ANKRD62: variants seen among roughly 807,000 people sequenced by gnomAD.
The protein encoded by ANKRD62 is ankyrin repeat domain 62, also known as ankyrin repeat domain-containing protein 62.
ANKRD62 carries 61 observed loss-of-function variants against 98.8 expected under a neutral mutation model. That is an observed-to-expected ratio of 0.62 (90% CI 0.50 to 0.76). The LOEUF is 0.76. Ranked by LOEUF, ANKRD62 falls within the 30% of genes least tolerant of loss-of-function variation. ANKRD62 has a pLI of 0.00. For synonymous variants in ANKRD62, 341 were observed against 367.9 expected (o/e 0.93, Z 0.84); for missense variants, 933 against 1,082.9 (o/e 0.86, Z 1.94).
the ANKRD62 span, among the ~76,000 whole-genome samples, chr18:12,153,308 G>A: frequency 6.6e-6 from 1 of 151,888 alleles, no homozygotes; most frequent in Admixed American, 6.6e-5. Flanking sequence ...TAGAAAAAAC[G>A]GGCCAGGCAC....
chr18:12,174,130 A>G, the ANKRD62 span, among the ~76,000 whole-genome samples: 2 of 152,172 alleles, frequency 1.3e-5, no homozygotes, highest in African/African-American at 4.8e-5. Context: ...AGGGACACGA[A>G]TGAGGCATAG....
rs181278087 is a variant in ANKRD62, at chr18:12,114,583, T to C, written c.1065-505T>C. Among the ~76,000 whole-genome samples the C allele has an allele frequency of 5.1e-3, 776 of 152,284 alleles. 4 individuals are homozygous for C. The highest frequency in any genetic ancestry group is 0.017 in the African/African-American group (696 of 41,558). ...TATGTTACCTACTTTACAGAATTGC[T>C]GGGAGGATTTAAATGACTTAAATAC... is the stretch of plus-strand genomic sequence containing the variant. On this transcript the variant is annotated intron_variant, in intron 8 of 13. Coordinates refer to ENST00000587848, the MANE Select transcript of ANKRD62 (RefSeq NM_001277333.2).
chr18:12,177,674 TC>T, the ANKRD62 span, among the ~76,000 whole-genome samples: 2 of 151,830 alleles, frequency 1.3e-5, no homozygotes, highest in Non-Finnish European at 2.9e-5. Flanking sequence ...CCCTATCCCT[TC>T]ATTTCTTCTG....
the ANKRD62 span, among the ~76,000 whole-genome samples, chr18:12,150,587 G>A: frequency 2.6e-5 from 4 of 152,186 alleles, no homozygotes; most frequent in African/African-American, 7.2e-5. Context: ...AACCCCATCA[G>A]GCTAACAGTA....
chr18:12,176,789 A>G, the ANKRD62 span, among the ~76,000 whole-genome samples: 59 of 112,986 alleles, frequency 5.2e-4, no homozygotes, highest in East Asian at 2.9e-3. Context: ...AATTTAGTCT[A>G]TCCTGCCTTT....
downstream of ANKRD62, among the ~76,000 whole-genome samples, chr18:12,132,687 A>G (rs1405718453): frequency 1.3e-5 from 2 of 152,130 alleles, no homozygotes; most frequent in Non-Finnish European, 2.9e-5. Flanking sequence ...TTTTTTAATG[A>G]AAAATGTTCA....
intron 6 of ANKRD62, 42 bp from the exon 7 acceptor site, chr18:12,103,116 C>T: frequency 7.9e-7 from 1 of 1,266,164 alleles, no homozygotes; most frequent in East Asian, 3.0e-5. Context: ...TCTAATTGTT[C>T]TAAGTAGTTC....
chr18:12,168,349 A>G, the ANKRD62 span, among the ~76,000 whole-genome samples: 102 of 152,240 alleles, frequency 6.7e-4, no homozygotes, highest in African/African-American at 2.4e-3. Flanking sequence ...AGCTTTCTAC[A>G]TATGGCTAGC....
At chr18:12,136,825 A>T in the ANKRD62 span, among the ~76,000 whole-genome samples, 1 of 152,162 alleles carries the variant, frequency 6.6e-6, no homozygotes, top group East Asian at 1.9e-4. Context: ...GAATGGAAGT[A>T]CACTCATGAT....
At chr18:12,137,903 A>AT in the ANKRD62 span, among the ~76,000 whole-genome samples, 12 of 151,926 alleles carry the variant, frequency 7.9e-5, no homozygotes, top group Admixed American at 3.3e-4. Flanking sequence ...CCCCTTTGTC[A>AT]TTTTTTATTG....
chr18:12,102,411 G>T, intron 6 of ANKRD62: 1 of 517,008 alleles, frequency 1.9e-6, no homozygotes, highest in South Asian at 1.8e-5. Context: ...GGGGTTCGCA[G>T]CAACAGAGCT....
chr18:12,115,463 A>G lies in ANKRD62; in HGVS notation c.1169A>G (p.Asp390Gly). The G allele has an allele frequency of 6.5e-7, 1 of 1,537,094 alleles. No individual in the cohort carries two copies. Among genetic ancestry groups the G allele is most frequent in the Non-Finnish European group, 8.7e-7 (1 of 1,146,532 alleles). ...GGGTCATCTGAAAAAACCTCAGAGGATGATGAGTTGCCTTACTCTGATGAT... is the reference window on the plus strand; with the variant it reads ...GGGTCATCTGAAAAAACCTCAGAGGGTGATGAGTTGCCTTACTCTGATGAT... ...ISGSSEKTSEDDELPYSDDEN... is the reference protein window; with the variant it reads ...ISGSSEKTSEGDELPYSDDEN... Residue 390 changes from aspartate (D) to glycine (G), a missense_variant, in exon 10 of 14, where the codon GAT (aspartate) becomes GGT (glycine). Physicochemically the swap from Asp to Gly is moderately conservative, Grantham distance 94. Around this residue, in one of 3 missense-constraint regions of ANKRD62, gnomAD observed 549 missense variants for 587.9 expected, o/e 0.93. Coordinates refer to ENST00000587848, the MANE Select transcript of ANKRD62 (RefSeq NM_001277333.2).
chr18:12,181,351 C>T, the ANKRD62 span, among the ~76,000 whole-genome samples: 6 of 152,110 alleles, frequency 3.9e-5, no homozygotes, highest in Non-Finnish European at 7.3e-5. Context: ...GCAATAGATA[C>T]GGAAATTCAT....
rs150755511 is a variant in ANKRD62 at position 12,114,436 on chromosome 18, C to T, written c.1065-652C>T. Among the ~76,000 whole-genome samples the T allele has an allele frequency of 7.5e-3, 1,139 of 152,202 alleles. 11 individuals are homozygous for T. The highest frequency in any genetic ancestry group is 9.6e-3 in the Non-Finnish European group (651 of 68,008). On this transcript the variant is annotated intron_variant, in intron 8 of 13. Transcript: ENST00000587848. ...ATTACTTTCATAGCATATTGCGAAACGCATGTTTTGGAGCCAAAGTTCTTG... is the reference window on the plus strand; with the variant it reads ...ATTACTTTCATAGCATATTGCGAAATGCATGTTTTGGAGCCAAAGTTCTTG...
At chr18:12,097,568 A>T in intron 4 of ANKRD62, 72 bp from the exon 5 acceptor site, 1 of 1,428,950 alleles carries the variant, frequency 7.0e-7, no homozygotes, top group South Asian at 1.4e-5. Flanking sequence ...TAAATTGGTA[A>T]AGTTTATAAA....
chr18:12,103,151 T>C lies in ANKRD62; in HGVS notation c.821-7T>C. On this transcript the variant is annotated splice_polypyrimidine_tract_variant and splice_region_variant and intron_variant, in intron 6 of 13. Transcript: ENST00000587848. ...CATTTTAACTAAATATATGGATTTG[T>C]GAGCAGAACAAGACTTAGAAATGAC... 1 of 1,375,424 alleles carries C rather than the reference T, an allele frequency of 7.3e-7. No individual in the cohort carries two copies. The allele number at this position is 1,375,424 out of a possible 1,614,324, so 85.2% of individuals were successfully genotyped here. A position where few individuals can be genotyped will look rare whatever the true frequency, so the allele number is the denominator to read the frequency against.
the ANKRD62 span, among the ~76,000 whole-genome samples, chr18:12,158,471 A>G: frequency 6.6e-6 from 1 of 152,196 alleles, no homozygotes. Context: ...TGCAAATAGG[A>G]TTACTTTTGC....
chr18:12,115,667 A>G, intron 10 of ANKRD62, 133 bp downstream of exon 10: 3 of 793,782 alleles, frequency 3.8e-6, no homozygotes, highest in South Asian at 2.5e-5. Flanking sequence ...TCTTGTGAAC[A>G]TAGAATGAGA....
At chr18:12,156,814 A>G in the ANKRD62 span, among the ~76,000 whole-genome samples, 2 of 152,332 alleles carry the variant, frequency 1.3e-5, no homozygotes, top group African/African-American at 4.8e-5. Context: ...CGTGGGTTGT[A>G]ACTTTGAGTC....
Sources: gnomAD v4.1 joint callset for allele counts (sites outside exome capture counted in the v4.1 genomes callset) on GRCh38, gnomAD v4.1.1 for gene constraint, gnomAD v4.1.1 regional missense constraint, MANE v1.5 for transcripts, NCBI Gene and HGNC (gene_info 2026-07-23, HGNC 2026-07-21) for gene names.